Variants in FRMD5 observed in about 807,000 individuals in gnomAD.
FRMD5 encodes FERM domain containing 5.
FRMD5 carries 20 observed loss-of-function variants against 69.0 expected under a neutral mutation model. That is an observed-to-expected ratio of 0.29 (90% CI 0.20 to 0.42). The LOEUF is 0.42. Ranked by LOEUF, FRMD5 falls within the 10% of genes least tolerant of loss-of-function variation. The probability of loss-of-function intolerance (pLI) is 1.00; values close to 1 mark genes in which losing one functional copy is unlikely to be tolerated. For missense variants in FRMD5, 595 were observed against 708.6 expected (o/e 0.84, Z 1.82); for synonymous variants, 271 against 260.1 (o/e 1.04, Z -0.40).
chr15:43,944,801 T>A (rs2089917388), intron 1 of FRMD5, among the ~76,000 whole-genome samples: 1 of 152,128 alleles, frequency 6.6e-6, no homozygotes, highest in Non-Finnish European at 1.5e-5. Flanking sequence ...CAGTCAGATA[T>A]TTGGGCAGGA....
chr15:44,157,654 C>T (rs1299636062), intron 1 of FRMD5, among the ~76,000 whole-genome samples: 2 of 151,918 alleles, frequency 1.3e-5, no homozygotes, highest in African/African-American at 4.8e-5. Context: ...TAAAAAATAC[C>T]ACTAGCTCTA....
At chr15:43,977,275 CCTTTG>C (rs917258992) in intron 1 of FRMD5, among the ~76,000 whole-genome samples, 1 of 152,096 alleles carries the variant, frequency 6.6e-6, no homozygotes, top group African/African-American at 2.4e-5. Flanking sequence ...GTGAGGTTGA[CCTTTG>C]CTTTGTTTTT....
intron 1 of FRMD5, among the ~76,000 whole-genome samples, chr15:44,113,932 T>C (rs974210470): frequency 1.3e-5 from 2 of 152,314 alleles, no homozygotes; most frequent in East Asian, 1.9e-4. Flanking sequence ...AATCGACATA[T>C]GAGAACAAAG....
Position 43,885,663 on chromosome 15 carries a change from C to G in FRMD5, c.959+18G>C, listed in dbSNP as rs2088644885. 2 of 1,600,158 alleles carry G rather than the reference C, an allele frequency of 1.2e-6. No homozygotes were observed. The highest frequency in any genetic ancestry group is 4.5e-5 in the East Asian group (2 of 44,820). On this transcript the variant is annotated intron_variant, in intron 11 of 13. Transcript: ENST00000417257. The stretch of plus-strand genomic sequence containing the variant: ...TCTGAAAATAGATCCATAATGGTTA[C>G]TTACTGTCACTATTTACCTGTATCG...
chr15:43,971,062 T>TAAAACAAAAC (rs111273331), intron 1 of FRMD5, among the ~76,000 whole-genome samples: 53 of 150,908 alleles, frequency 3.5e-4, no homozygotes, highest in East Asian at 1.8e-3. Context: ...TTGTCTCTAC[T>TAAAACAAAAC]AAAACAAAAC....
At chr15:43,915,512 G>A (rs776529438) in intron 4 of FRMD5, among the ~76,000 whole-genome samples, 5 of 152,046 alleles carry the variant, frequency 3.3e-5, no homozygotes, top group African/African-American at 4.8e-5. Flanking sequence ...GGACGGCGGG[G>A]CCCCATTTGC....
chr15:43,876,629 T>C (rs2088366820), intron 13 of FRMD5, among the ~76,000 whole-genome samples: 1 of 152,228 alleles, frequency 6.6e-6, no homozygotes, highest in Non-Finnish European at 1.5e-5. Flanking sequence ...CATCTTGAGC[T>C]TATAAGGTCA....
chr15:43,981,853 G>A (rs191401675), intron 1 of FRMD5, among the ~76,000 whole-genome samples: 5 of 152,168 alleles, frequency 3.3e-5, no homozygotes, highest in African/African-American at 9.7e-5. Flanking sequence ...AACTCTTGCA[G>A]TTCTCCAAGA....
intron 1 of FRMD5, among the ~76,000 whole-genome samples, chr15:43,931,214 A>G (rs2089668684): frequency 6.6e-6 from 1 of 152,206 alleles, no homozygotes; most frequent in Non-Finnish European, 1.5e-5. Flanking sequence ...GCATCTTGCT[A>G]TTGATTGAAT....
rs146955223 is a variant in FRMD5 at position 43,953,541 on chromosome 15, T to C, written c.103-29232A>G. On this transcript the variant is annotated intron_variant, in intron 1 of 13. Coordinates refer to ENST00000417257, the MANE Select transcript of FRMD5 (RefSeq NM_032892.5). ...CTGTTATGGCCTACATTGTAGACAT[T>C]GTTCTTTACAGTCAGACCATATCGC... Among the ~76,000 whole-genome samples the C allele has an allele frequency of 3.9e-3, 589 of 152,370 alleles. 1 individual carries two copies. Among genetic ancestry groups the C allele is most frequent in the South Asian group, 8.1e-3 (39 of 4,830 alleles).
intron 1 of FRMD5, among the ~76,000 whole-genome samples, chr15:44,053,283 A>G (rs1182915418): frequency 6.6e-6 from 1 of 152,190 alleles, no homozygotes; most frequent in African/African-American, 2.4e-5. Context: ...CTTGCCAGTC[A>G]TGGTAAAGAT....
intron 1 of FRMD5, among the ~76,000 whole-genome samples, chr15:43,926,694 T>C (rs2089591821): frequency 6.6e-6 from 1 of 151,824 alleles, no homozygotes; most frequent in African/African-American, 2.4e-5. Context: ...AGGCAACATG[T>C]GGGCAACACC....
At chr15:43,925,465 A>T (rs2089568116) in intron 1 of FRMD5, among the ~76,000 whole-genome samples, 1 of 152,194 alleles carries the variant, frequency 6.6e-6, no homozygotes, top group Admixed American at 6.5e-5. Flanking sequence ...GATATGCCTC[A>T]CAGTTTTTAA....
chr15:43,872,310 G>A lies in FRMD5; in HGVS notation c.*1575C>T, dbSNP rs1236426320. On this transcript the variant is annotated 3_prime_UTR_variant, in exon 14 of 14. Transcript: ENST00000417257. ...CGGGGGACAAAATAGGGGAGGTCAA[G>A]TCTACAAGTGACTTGTTCTGTTCTG... 6.6e-6 allele frequency: 1 copy of A among 152,188 alleles called. No homozygotes were observed. The highest frequency in any genetic ancestry group is 1.5e-5 in the Non-Finnish European group (1 of 68,054). 9.4% of individuals were successfully genotyped at this position (152,188 alleles called of 1,614,324 possible). A position where few individuals can be genotyped will look rare whatever the true frequency, so the allele number is the denominator to read the frequency against.
chr15:43,883,918 GTCTC>G (rs560457710), intron 12 of FRMD5, 109 bp from the exon 13 acceptor site: 3 of 779,110 alleles, frequency 3.9e-6, no homozygotes, highest in Non-Finnish European at 6.7e-6. Context: ...TTAAGTCTTG[GTCTC>G]TCTCTTTTTT....
At chr15:44,144,065 G>A (rs1162596298) in intron 1 of FRMD5, among the ~76,000 whole-genome samples, 1 of 151,930 alleles carries the variant, frequency 6.6e-6, no homozygotes, top group African/African-American at 2.4e-5. Context: ...TGAAGTCCCT[G>A]AGAACTTTTC....
chr15:44,135,628 A>G (rs1372342506), intron 1 of FRMD5, among the ~76,000 whole-genome samples: 2 of 152,068 alleles, frequency 1.3e-5, no homozygotes, highest in Non-Finnish European at 2.9e-5. Context: ...GGAGTTCAAG[A>G]CCAGCCTGGC....
At chr15:43,950,252 T>C (rs1217806261) in intron 1 of FRMD5, among the ~76,000 whole-genome samples, 2 of 152,136 alleles carry the variant, frequency 1.3e-5, no homozygotes, top group African/African-American at 2.4e-5. Context: ...GGAAGGTGGA[T>C]AGGTGAACGA....
rs1219629466 is a variant in FRMD5 at position 43,892,943 on chromosome 15, A to C, written c.640-874T>G. Among the ~76,000 whole-genome samples, 16 of 152,096 alleles carry C rather than the reference A, an allele frequency of 1.1e-4. 1 individual carries two copies. The highest frequency in any genetic ancestry group is 9.8e-4 in the Admixed American group (15 of 15,276). On this transcript the variant is annotated intron_variant, in intron 7 of 13. Coordinates refer to ENST00000417257, the MANE Select transcript of FRMD5 (RefSeq NM_032892.5). ...ACATGGTGAAACCCCATCTCTACTA[A>C]AAAGACAAACATTAGCCAGGCGTGG... is the stretch of plus-strand genomic sequence containing the variant.
Sources: gnomAD v4.1 joint callset for allele counts (sites outside exome capture counted in the v4.1 genomes callset) on GRCh38, gnomAD v4.1.1 for gene constraint, MANE v1.5 for transcripts, NCBI Gene and HGNC (gene_info 2026-07-23, HGNC 2026-07-21) for gene names.